The following RPH3AL variants were observed in gnomAD, a reference collection of about 807,000 sequenced individuals.
RPH3AL encodes rabphilin 3A like (without C2 domains).
In RPH3AL, 38 loss-of-function variants were observed where a neutral mutation model predicts 43.1. That is an observed-to-expected ratio of 0.88 (90% confidence interval 0.68 to 1.15). The LOEUF (loss-of-function observed/expected upper bound fraction) is 1.15. RPH3AL is among the 50% of genes most tolerant of loss of function. The pLI is 0.00. For synonymous variants in RPH3AL, 189 were observed against 176.3 expected (o/e 1.07, Z -0.57); for missense variants, 462 against 423.2 (o/e 1.09, Z -0.81).
Position 213,887 on chromosome 17 carries a change from C to T in RPH3AL, c.913G>A (p.Ala305Thr), listed in dbSNP as rs112843928. The change falls in exon 10 of 10, where the codon GCA becomes ACA. Residue 305 changes from alanine to threonine, a missense_variant. Coordinates refer to ENST00000331302, the MANE Select transcript of RPH3AL (RefSeq NM_006987.4). ...CAGCTGGAGGGGCCTGCTGGAGCTG[C>T]GTCAGCAGCGGGGGCTCGTCCAGGT... ...DTPGRAPAAD[A>T]APAGPSSCLG 1.7e-4 allele frequency: 276 copies of T among 1,613,732 alleles called. No individual in the cohort carries two copies. In the African/African-American group the frequency reaches 2.4e-3, roughly 14 times the overall value.
intron 5 of RPH3AL, among the ~76,000 whole-genome samples, chr17:306,245 C>G (rs932568014): frequency 1.3e-5 from 2 of 152,028 alleles, no homozygotes; most frequent in Non-Finnish European, 2.9e-5. Context: ...ACCCCAGCTC[C>G]ACCGCCAACA....
At position 263,470 on chromosome 17, in the gene RPH3AL, G is replaced by A. The variant is rs551010801; in HGVS notation, c.439-16185C>T. 1.5e-3 allele frequency among the ~76,000 whole-genome samples: 229 copies of A among 152,316 alleles called. 2 individuals are homozygous for A. Among genetic ancestry groups the A allele is most frequent in the Middle Eastern group, 3.4e-3 (1 of 294 alleles). ...GGACGAACAGGCAGCAGCGGGTGAC[G>A]CGGTGGCAAGGAGCCGCCGGGCGAC... is the stretch of plus-strand genomic sequence containing the variant. On this transcript the variant is annotated intron_variant, in intron 6 of 9. Coordinates refer to ENST00000331302, the MANE Select transcript of RPH3AL (RefSeq NM_006987.4).
intron 6 of RPH3AL, among the ~76,000 whole-genome samples, chr17:276,756 C>G (rs2042665296): frequency 6.6e-6 from 1 of 152,152 alleles, no homozygotes; most frequent in Non-Finnish European, 1.5e-5. Flanking sequence ...CACCATTTCA[C>G]TATTCGCTCT....
Position 245,127 on chromosome 17 carries a change from ATG to A in RPH3AL, c.613+1982_613+1983del, listed in dbSNP as rs199882822. Among the ~76,000 whole-genome samples the A allele has an allele frequency of 0.017, 2,521 of 147,068 alleles. 75 individuals are homozygous for A. The highest frequency in any genetic ancestry group is 0.061 in the African/African-American group (2,402 of 39,512). ...TGTGTACATGTGGATGTGTGTGTGGATGTGTGTGTCCATGTGGATGTGTGTGT... is the reference window on the plus strand; with the variant it reads ...TGTGTACATGTGGATGTGTGTGTGGATGTGTGTCCATGTGGATGTGTGTGT... On this transcript the variant is annotated intron_variant, in intron 7 of 9. Transcript: ENST00000331302. The surrounding 1 kb of genome is among the most constrained non-coding windows in gnomAD (Gnocchi z 5.9).
intron 6 of RPH3AL, among the ~76,000 whole-genome samples, chr17:255,431 G>A (rs2042024941): frequency 2.8e-4 from 1 of 3,540 alleles, no homozygotes; most frequent in Admixed American, 1.8e-3. Flanking sequence ...ACTACCCTAC[G>A]TACTTCCTAT....
chr17:253,447 G>T (rs1247259851), intron 6 of RPH3AL, among the ~76,000 whole-genome samples: 6 of 152,158 alleles, frequency 3.9e-5, no homozygotes, highest in African/African-American at 1.4e-4. Context: ...CTTCCGAGCT[G>T]CTCCTTTGCG....
At chr17:244,361 G>T (rs2041692739) in intron 7 of RPH3AL, among the ~76,000 whole-genome samples, 1 of 152,062 alleles carries the variant, frequency 6.6e-6, no homozygotes, top group Non-Finnish European at 1.5e-5. Context: ...GGGAGAAGAA[G>T]TTGGGAGCTA....
intron 6 of RPH3AL, among the ~76,000 whole-genome samples, chr17:266,560 C>T (rs539959503): frequency 1.3e-5 from 2 of 152,324 alleles, no homozygotes; most frequent in Admixed American, 1.3e-4. Context: ...CCAAATCCCC[C>T]CTGGGGCAGC....
At chr17:293,149 G>A (rs2043085563) in intron 5 of RPH3AL, among the ~76,000 whole-genome samples, 1 of 152,044 alleles carries the variant, frequency 6.6e-6, no homozygotes, top group South Asian at 2.1e-4. Context: ...CGAGCCTCAG[G>A]CCTGTGCCAG....
chr17:231,641 G>GGCAGAGGCTAGCATGGGCCAGGCAC (rs2041233540), intron 7 of RPH3AL, among the ~76,000 whole-genome samples: 1 of 152,238 alleles, frequency 6.6e-6, no homozygotes, highest in African/African-American at 2.4e-5. Flanking sequence ...CACTGCACGA[G>GGCAGAGGCTAGCATGGGCCAGGCAC]GCAGAGGCTA....
chr17:262,069 G>C (rs905794116), intron 6 of RPH3AL: 4 of 152,176 alleles, frequency 2.6e-5, no homozygotes, highest in African/African-American at 9.7e-5. Flanking sequence ...CAAATATTGG[G>C]TAAATTAAAA....
intron 7 of RPH3AL, among the ~76,000 whole-genome samples, chr17:226,888 T>C (rs1295330542): frequency 6.6e-6 from 1 of 152,114 alleles, no homozygotes; most frequent in Non-Finnish European, 1.5e-5. Context: ...GGCTGATACA[T>C]TTTTTTTCTC....
intron 1 of RPH3AL, among the ~76,000 whole-genome samples, chr17:351,139 CCAA>C (rs2045346470): frequency 1.3e-5 from 2 of 152,168 alleles, no homozygotes; most frequent in Non-Finnish European, 2.9e-5. Context: ...CTACCTCTCT[CCAA>C]CGTCTCTAGG....
At chr17:314,494 CTA>C (rs2043797966) in intron 5 of RPH3AL, among the ~76,000 whole-genome samples, 1 of 144,496 alleles carries the variant, frequency 6.9e-6, no homozygotes, top group Non-Finnish European at 1.5e-5. Context: ...CCTGTAGTCC[CTA>C]TACTCCACGT....
chr17:270,360 C>T (rs139781122), intron 6 of RPH3AL, among the ~76,000 whole-genome samples: 127 of 152,342 alleles, frequency 8.3e-4, no homozygotes, highest in Middle Eastern at 3.4e-3. Context: ...AAGCAGGTGC[C>T]GCAAGGATGC....
At chr17:304,176 A>G (rs2043403776) in intron 5 of RPH3AL, among the ~76,000 whole-genome samples, 1 of 138,662 alleles carries the variant, frequency 7.2e-6, no homozygotes, top group Non-Finnish European at 1.5e-5. Flanking sequence ...GCAGGGAGGG[A>G]GGCTGTACTG....
At position 290,137 on chromosome 17, in the gene RPH3AL, C is replaced by G. The variant is rs1239113408; in HGVS notation, c.352-8283G>C. On this transcript the variant is annotated intron_variant, in intron 5 of 9. Coordinates refer to ENST00000331302, the MANE Select transcript of RPH3AL (RefSeq NM_006987.4). The surrounding 1 kb of genome is among the most constrained non-coding windows in gnomAD (Gnocchi z 4.2). Reference sequence around the variant, plus strand: ...AGACAGGCTCCCTCCCGGAACATGCCGACCTGCCGGGAAGACAAGCTGCAC... The same window carrying G: ...AGACAGGCTCCCTCCCGGAACATGCGGACCTGCCGGGAAGACAAGCTGCAC... 1.3e-5 allele frequency among the ~76,000 whole-genome samples: 2 copies of G among 152,242 alleles called. No homozygotes were observed. The highest frequency in any genetic ancestry group is 2.9e-5 in the Non-Finnish European group (2 of 68,050).
chr17:334,457 C>T (rs2044885398), intron 1 of RPH3AL, among the ~76,000 whole-genome samples: 1 of 150,492 alleles, frequency 6.6e-6, no homozygotes, highest in Non-Finnish European at 1.5e-5. Context: ...CTCCTTCTCC[C>T]CACGCCTTCT....
chr17:272,988 G>GTCAGGGTGAGACCCCAGCGCGGGTGACT (rs2042529315), intron 6 of RPH3AL, among the ~76,000 whole-genome samples: 2 of 37,968 alleles, frequency 5.3e-5, no homozygotes, highest in African/African-American at 1.7e-4. Flanking sequence ...CAAGGGCTAC[G>GTCAGGGTGAGACCCCAGCGCGGGTGACT]TCAGGGTGAG....
Sources: allele counts gnomAD v4.1 joint callset (sites outside exome capture counted in the v4.1 genomes callset), GRCh38; gene constraint gnomAD v4.1.1; non-coding constraint Gnocchi (gnomAD v3.1); transcripts MANE v1.5; gene names NCBI Gene and HGNC (gene_info 2026-07-23, HGNC 2026-07-21).